MTG1: variants seen among roughly 807,000 people sequenced by gnomAD.
MTG1 encodes the protein mitochondrial ribosome-associated GTPase 1.
In MTG1, 30 loss-of-function variants were observed where a neutral mutation model predicts 39.5. The ratio of observed to expected loss-of-function variants is 0.76; its 90% CI spans 0.57 to 1.03. MTG1 has a LOEUF of 1.03. MTG1 is among the 50% of genes least tolerant of loss of function. The probability of loss-of-function intolerance (pLI) is 0.00; values close to 1 mark genes in which losing one functional copy is unlikely to be tolerated. For synonymous variants in MTG1, 217 were observed against 179.0 expected, an observed-to-expected ratio of 1.21 and a Z score of -1.69; for missense variants, 513 against 447.4, an observed-to-expected ratio of 1.15 and a Z score of -1.32.
At chr10:133,419,351 G>A (rs1000126153) in intron 9 of MTG1, 129 bp from the exon 10 acceptor site, 29 of 668,400 alleles carry the variant, frequency 4.3e-5, no homozygotes, top group South Asian at 1.3e-4. Flanking sequence ...CCACAGCGCC[G>A]CAGTCACTGT....
At chr10:133,405,125 A>G (rs1208311826) in intron 9 of MTG1, among the ~76,000 whole-genome samples, 1 of 152,192 alleles carries the variant, frequency 6.6e-6, no homozygotes, top group Admixed American at 6.5e-5. Flanking sequence ...AATTGACAAT[A>G]TTGTAACACT....
intron 9 of MTG1, among the ~76,000 whole-genome samples, chr10:133,414,886 G>A (rs1207472586): frequency 6.6e-6 from 1 of 152,274 alleles, no homozygotes; most frequent in Non-Finnish European, 1.5e-5. Context: ...ATTGAGCACT[G>A]AGTGAACGAG....
At chr10:133,416,462 T>C (rs1261660047) in intron 9 of MTG1, among the ~76,000 whole-genome samples, 1 of 151,674 alleles carries the variant, frequency 6.6e-6, no homozygotes, top group Non-Finnish European at 1.5e-5. Context: ...TGTAGGTTAG[T>C]TACATATGTA....
In MTG1 at chr10:133,394,204, C is replaced by T. The variant is rs1301947708; in HGVS notation, c.-17C>T. ...GAGGAGGTCAGCTGCGGGAGCGTTT[C>T]CGGGGACGGTGCCGCCATGAGATTG... is the stretch of plus-strand genomic sequence containing the variant. On this transcript the variant is annotated 5_prime_UTR_variant, in exon 1 of 11. Transcript: ENST00000317502. The T allele has an allele frequency of 2.0e-6, 3 of 1,510,618 alleles. No individual in the cohort carries two copies. The highest frequency in any genetic ancestry group is 1.4e-5 in the African/African-American group (1 of 69,128). The allele number at this position is 1,510,618 out of a possible 1,614,324, so 93.6% of individuals were successfully genotyped here.
intron 9 of MTG1, 44 bp from the exon 10 acceptor site, chr10:133,419,436 G>A (rs200278114): frequency 1.3e-6 from 2 of 1,527,548 alleles, no homozygotes; most frequent in Non-Finnish European, 1.8e-6. Flanking sequence ...GCCGCGCGGT[G>A]TCAGTGCTGG....
At chr10:133,419,919 C>T (rs1302800958) in intron 10 of MTG1, 107 bp from the exon 11 acceptor site, 2 of 1,329,650 alleles carry the variant, frequency 1.5e-6, no homozygotes, top group African/African-American at 1.5e-5. Flanking sequence ...CCCTGGGCTT[C>T]CCTGATGCCA....
At chr10:133,398,701 T>C (rs1849824584) in intron 4 of MTG1, among the ~76,000 whole-genome samples, 186 bp downstream of exon 4, 1 of 152,134 alleles carries the variant, frequency 6.6e-6, no homozygotes, top group African/African-American at 2.4e-5. Flanking sequence ...GGGCACAAGG[T>C]CAGGCTGTAG....
chr10:133,400,376 G>A (rs1304981239), intron 6 of MTG1, among the ~76,000 whole-genome samples: 3 of 152,304 alleles, frequency 2.0e-5, no homozygotes, highest in Admixed American at 6.5e-5. Context: ...CTCCCTCTGT[G>A]CCTGTTCTCA....
At position 133,396,221 on chromosome 10, in the gene MTG1, T is replaced by A. The variant is rs1230640587; in HGVS notation, c.236T>A (p.Leu79Ter). ...FQETLGLKPH[L>*]LVLNKMDLAD... is the part of the protein sequence containing the mutation. ...GAAACCCTTGGGCTTAAGCCTCACT[T>A]GCTGGTCCTCAACAAGATGGACTTG... is the stretch of plus-strand genomic sequence containing the variant. The change falls in exon 3 of 11, where the codon TTG becomes TAG. Residue 79 changes from leucine (L) to a stop codon, truncating the protein, a stop_gained. Transcript: ENST00000317502. LOFTEE classifies it high-confidence loss of function. 1 of 1,614,086 alleles carries A rather than the reference T, an allele frequency of 6.2e-7. No individual in the cohort carries two copies. Among genetic ancestry groups the A allele is most frequent in the Non-Finnish European group, 8.5e-7 (1 of 1,180,028 alleles).
At chr10:133,419,618 C>G in intron 10 of MTG1, 26 bp downstream of exon 10, 1 of 1,557,432 alleles carries the variant, frequency 6.4e-7, no homozygotes, top group Non-Finnish European at 8.7e-7. Flanking sequence ...GATGCGGGCA[C>G]CGGAGCCTCA....
intron 9 of MTG1, among the ~76,000 whole-genome samples, chr10:133,413,826 T>C (rs1360621558): frequency 6.6e-6 from 1 of 152,184 alleles, no homozygotes; most frequent in African/African-American, 2.4e-5. Flanking sequence ...ACAGTTATCT[T>C]TTAAAGAAAT....
chr10:133,420,456 G>A lies in MTG1; in HGVS notation c.*291G>A. 4 of 390,882 alleles carry A rather than the reference G, an allele frequency of 1.0e-5. No individual in the cohort carries two copies. Among genetic ancestry groups the A allele is most frequent in the Non-Finnish European group, 1.4e-5 (3 of 220,270 alleles). 24.2% of individuals were successfully genotyped at this position (390,882 alleles called of 1,614,324 possible). On this transcript the variant is annotated 3_prime_UTR_variant, in exon 11 of 11. Transcript: ENST00000317502. The stretch of plus-strand genomic sequence containing the variant: ...TGAGAAATGGATGCTGTCTCAGAAG[G>A]AGTTAAAGCTATAACCTGTAACCTT...
At chr10:133,398,564 C>T (rs1179824455) in intron 4 of MTG1, 49 bp downstream of exon 4, 6 of 1,566,986 alleles carry the variant, frequency 3.8e-6, no homozygotes, top group East Asian at 4.5e-5. Context: ...TCAGTAGGTT[C>T]GAGGAGCATT....
rs1174834823 is a variant in MTG1 at position 133,422,144 on chromosome 10, T to TG, written c.*1980dup. ...TTGGATGTTGGGGGGCTCAGCCTCT[T>TG]GCATGGGTGTCCTGCTGGGCGCTGG... On this transcript the variant is annotated 3_prime_UTR_variant, in exon 11 of 11. Transcript: ENST00000317502. 6.5e-6 allele frequency: 1 copy of TG among 152,822 alleles called. No individual in the cohort carries two copies. The highest frequency in any genetic ancestry group is 1.5e-5 in the Non-Finnish European group (1 of 68,434). The allele number at this position is 152,822 out of a possible 1,614,324, so 9.5% of individuals were successfully genotyped here.
intron 7 of MTG1, chr10:133,401,899 T>A (rs927690411): frequency 3.3e-6 from 2 of 606,650 alleles, no homozygotes; most frequent in Non-Finnish European, 2.9e-6. Flanking sequence ...TCCACTCCCT[T>A]CCTTGTGTTC....
At chr10:133,399,771 C>A in intron 6 of MTG1, 152 bp downstream of exon 6, 1 of 667,202 alleles carries the variant, frequency 1.5e-6, no homozygotes, top group Non-Finnish European at 2.6e-6. Flanking sequence ...TTGTCTCGTT[C>A]AGTCCAGTTC....
intron 6 of MTG1, 91 bp downstream of exon 6, chr10:133,399,710 C>A: frequency 7.5e-7 from 1 of 1,341,348 alleles, no homozygotes; most frequent in Non-Finnish European, 1.1e-6. Flanking sequence ...AGGGGACGTG[C>A]CCGAGGAGCA....
chr10:133,414,667 C>T (rs952521291), intron 9 of MTG1, among the ~76,000 whole-genome samples: 27 of 151,062 alleles, frequency 1.8e-4, no homozygotes, highest in African/African-American at 2.4e-5. Flanking sequence ...AGAGGGGCTC[C>T]TCACATCCCA....
intron 9 of MTG1, among the ~76,000 whole-genome samples, chr10:133,416,386 A>T (rs188133001): frequency 0.081 from 9,422 of 116,360 alleles, 313 homozygotes; most frequent in Middle Eastern, 0.12. Flanking sequence ...ATATATATAT[A>T]TATTTTTCTT....
Sources: gnomAD v4.1 joint callset for allele counts (sites outside exome capture counted in the v4.1 genomes callset) on GRCh38, gnomAD v4.1.1 for gene constraint, MANE v1.5 for transcripts, NCBI Gene and HGNC (gene_info 2026-07-23, HGNC 2026-07-21) for gene names.